GABRG3: variants seen among roughly 807,000 people sequenced by gnomAD.
GABRG3 encodes the protein gamma-aminobutyric acid type A receptor subunit gamma3.
Under a neutral mutation model 48.8 loss-of-function variants are expected in GABRG3, and 25 were observed. The observed-to-expected ratio is 0.51, with a 90% confidence interval of 0.37 to 0.72. The LOEUF is 0.72. GABRG3 is among the 30% of genes least tolerant of loss of function. The pLI, the probability that GABRG3 is intolerant of heterozygous loss-of-function variation, is 0.00. For synonymous variants in GABRG3, 227 were observed against 217.6 expected (o/e 1.04, Z -0.38); for missense variants, 394 against 577.9 (o/e 0.68, Z 3.26).
At chr15:27,051,797 C>T (rs1896460018) in intron 3 of GABRG3, among the ~76,000 whole-genome samples, 2 of 152,282 alleles carry the variant, frequency 1.3e-5, no homozygotes, top group Non-Finnish European at 1.5e-5. Context: ...TTATACAACT[C>T]ACCATCATGT....
chr15:27,077,490 A>G (rs1461194202), intron 3 of GABRG3, among the ~76,000 whole-genome samples: 1 of 152,050 alleles, frequency 6.6e-6, no homozygotes, highest in Non-Finnish European at 1.5e-5. Flanking sequence ...TAGAAATGCC[A>G]AGACAAATGG....
At chr15:27,300,658 AAAAT>A (rs1194712618) in intron 3 of GABRG3, among the ~76,000 whole-genome samples, 3 of 132,160 alleles carry the variant, frequency 2.3e-5, no homozygotes, top group Non-Finnish European at 3.2e-5. Context: ...ACTCCATCTC[AAAAT>A]AAATAAATAA....
At chr15:27,238,169 T>G (rs577207926) in intron 3 of GABRG3, among the ~76,000 whole-genome samples, 1 of 100,278 alleles carries the variant, frequency 1.0e-5, no homozygotes, top group South Asian at 4.0e-4. Flanking sequence ...CATTTCTGTT[T>G]CCTATCAGTT....
intron 2 of GABRG3, among the ~76,000 whole-genome samples, chr15:27,007,779 G>T (rs923529748): frequency 6.6e-6 from 1 of 151,986 alleles, no homozygotes; most frequent in Non-Finnish European, 1.5e-5. Context: ...TTGCTGGTTT[G>T]TTTAATTTCC....
intron 3 of GABRG3, among the ~76,000 whole-genome samples, chr15:27,299,605 C>T (rs1049811921): frequency 6.6e-6 from 1 of 152,124 alleles, no homozygotes; most frequent in African/African-American, 2.4e-5. Context: ...TCTCCCATTT[C>T]CTCCATTCTC....
chr15:27,437,028 A>AGAGAGAGAGC (rs1358186246), intron 5 of GABRG3, among the ~76,000 whole-genome samples: 1 of 150,674 alleles, frequency 6.6e-6, no homozygotes, highest in East Asian at 2.0e-4. Context: ...AGAGAGAGAG[A>AGAGAGAGAGC]GAGAGCGCCC....
chr15:27,366,495 A>G (rs1895204332), intron 5 of GABRG3: 1 of 152,212 alleles, frequency 6.6e-6, no homozygotes, highest in South Asian at 2.1e-4. Context: ...CAGTAATTAA[A>G]AGTATCCAAT....
At chr15:27,065,832 A>G (rs1896729182) in intron 3 of GABRG3, among the ~76,000 whole-genome samples, 1 of 152,180 alleles carries the variant, frequency 6.6e-6, no homozygotes, top group East Asian at 1.9e-4. Flanking sequence ...TTCAGCCTTG[A>G]TCTCCATTGG....
At chr15:27,339,302 T>C (rs778229479) in intron 5 of GABRG3, among the ~76,000 whole-genome samples, 3 of 152,172 alleles carry the variant, frequency 2.0e-5, no homozygotes, top group African/African-American at 4.8e-5. Context: ...ATCCACAAAC[T>C]CTGGAAGCAG....
At chr15:27,478,003 C>T (rs1889995901) in intron 5 of GABRG3, among the ~76,000 whole-genome samples, 1 of 151,248 alleles carries the variant, frequency 6.6e-6, no homozygotes, top group Non-Finnish European at 1.5e-5. Context: ...TGAGATCGCA[C>T]CACTGCACTC....
intron 3 of GABRG3, among the ~76,000 whole-genome samples, chr15:27,259,081 C>CT (rs1159499719): frequency 6.6e-6 from 1 of 152,148 alleles, no homozygotes; most frequent in Admixed American, 6.5e-5. Context: ...GGGTTTTATT[C>CT]TTTTTTATGG....
At chr15:27,404,256 C>A (rs1887568078) in intron 5 of GABRG3, among the ~76,000 whole-genome samples, 1 of 152,296 alleles carries the variant, frequency 6.6e-6, no homozygotes, top group South Asian at 2.1e-4. Flanking sequence ...CCCCAGGAGT[C>A]TGCATACTTT....
intron 5 of GABRG3, among the ~76,000 whole-genome samples, chr15:27,444,072 T>C (rs1216507942): frequency 3.3e-5 from 5 of 152,226 alleles, no homozygotes; most frequent in African/African-American, 1.2e-4. Context: ...GAAATATCAT[T>C]ATCTGGTTCT....
In GABRG3 at chr15:27,278,831, G is replaced by A. The variant is rs1032312431; in HGVS notation, c.271-47978G>A. Among the ~76,000 whole-genome samples, 5 of 152,224 alleles carry A rather than the reference G, an allele frequency of 3.3e-5. No homozygotes were observed. In the South Asian group the frequency reaches 6.2e-4, roughly 19 times the overall value. On this transcript the variant is annotated intron_variant, in intron 3 of 9. Transcript: ENST00000615808. ...GTAATTTCTGTGTAATATGGTAAGC[G>A]TATGTTGAGTTTTGTATGTTTGCTT...
chr15:27,299,922 A>G (rs771147837), intron 3 of GABRG3, among the ~76,000 whole-genome samples: 7 of 152,212 alleles, frequency 4.6e-5, no homozygotes, highest in Non-Finnish European at 1.0e-4. Flanking sequence ...AAATGACTCC[A>G]TAAAAATTGT....
chr15:27,233,153 G>C (rs1889852076), intron 3 of GABRG3, among the ~76,000 whole-genome samples: 1 of 152,228 alleles, frequency 6.6e-6, no homozygotes, highest in Non-Finnish European at 1.5e-5. Context: ...GCTCACTGGG[G>C]AGAGGGTGGG....
At chr15:27,111,229 T>C (rs931233625) in intron 3 of GABRG3, among the ~76,000 whole-genome samples, 4 of 152,242 alleles carry the variant, frequency 2.6e-5, no homozygotes, top group African/African-American at 7.2e-5. Flanking sequence ...TGTGTTTTTT[T>C]AGTATCTGCT....
intron 6 of GABRG3, among the ~76,000 whole-genome samples, chr15:27,504,971 A>T (rs1346250842): frequency 6.6e-6 from 1 of 152,170 alleles, no homozygotes; most frequent in Non-Finnish European, 1.5e-5. Context: ...AGGTTATCAA[A>T]ACTAAAAAAT....
intron 3 of GABRG3, among the ~76,000 whole-genome samples, chr15:27,309,030 T>C (rs986036112): frequency 6.7e-6 from 1 of 149,742 alleles, no homozygotes; most frequent in Non-Finnish European, 1.5e-5. Flanking sequence ...TATAGAAACA[T>C]AATGTAAACA....
Sources: gnomAD v4.1 joint callset for allele counts (sites outside exome capture counted in the v4.1 genomes callset) on GRCh38, gnomAD v4.1.1 for gene constraint, MANE v1.5 for transcripts, NCBI Gene and HGNC (gene_info 2026-07-23, HGNC 2026-07-21) for gene names.